KLHL32: variants seen among roughly 807,000 people sequenced by gnomAD.
KLHL32 encodes the protein kelch like family member 32, also known as kelch-like protein 32.
Under a neutral mutation model 64.8 loss-of-function variants are expected in KLHL32, and 35 were observed. The observed-to-expected ratio is 0.54, with a 90% confidence interval of 0.41 to 0.72. KLHL32 has a LOEUF of 0.72. Among genes scored for constraint, KLHL32 ranks in the 30% least tolerant of loss-of-function variants. The pLI is 0.00. For synonymous variants in KLHL32, 259 were observed against 281.0 expected (o/e 0.92, Z 0.78); for missense variants, 589 against 768.5 (o/e 0.77, Z 2.76).
chr6:96,980,127 C>T (rs917481725), intron 3 of KLHL32, among the ~76,000 whole-genome samples: 1 of 152,146 alleles, frequency 6.6e-6, no homozygotes, highest in Non-Finnish European at 1.5e-5. Flanking sequence ...AGTTTGATTC[C>T]TCTCCTCCTA....
intron 1 of KLHL32, among the ~76,000 whole-genome samples, chr6:96,947,303 CTCTGAACCTCCTCTGG>C (rs1415934925): frequency 4.4e-4 from 67 of 152,332 alleles, no homozygotes; most frequent in African/African-American, 1.6e-3. Context: ...CAGCTGAGTT[CTCTGAACCTCCTCTGG>C]TTCCAAGTGA....
At chr6:96,919,097 C>G in the KLHL32 span, among the ~76,000 whole-genome samples, 6 of 152,142 alleles carry the variant, frequency 3.9e-5, no homozygotes, top group Admixed American at 3.9e-4. Context: ...ATTAGATTCT[C>G]CTGGGAATTT....
rs113772278 is a variant in KLHL32 at position 97,129,606 on chromosome 6, G to A, written c.1414-1151G>A. ...TCATATAAAAAAGTCTTCCAGCAGG[G>A]TGCGGTGGTTCACACCTATAATCCC... On this transcript the variant is annotated intron_variant, in intron 8 of 10. Coordinates refer to ENST00000369261, the MANE Select transcript of KLHL32 (RefSeq NM_052904.4). Among the ~76,000 whole-genome samples, 55 of 152,276 alleles carry A rather than the reference G, an allele frequency of 3.6e-4. 2 individuals carry two copies. The highest frequency in any genetic ancestry group is 1.2e-3 in the African/African-American group (51 of 41,548).
chr6:97,004,791 TGGTG>T (rs1031660785), intron 3 of KLHL32, among the ~76,000 whole-genome samples: 1 of 152,166 alleles, frequency 6.6e-6, no homozygotes, highest in African/African-American at 2.4e-5. Context: ...GATTTGCATA[TGGTG>T]AACCAACCTT....
At chr6:97,052,868 A>G (rs1010542202) in intron 4 of KLHL32, among the ~76,000 whole-genome samples, 2 of 152,204 alleles carry the variant, frequency 1.3e-5, no homozygotes, top group Non-Finnish European at 2.9e-5. Flanking sequence ...TAAACTTCTG[A>G]TGGTATTATT....
In KLHL32 at chr6:97,092,213, T is replaced by A. The variant is rs537821063; in HGVS notation, c.627+6872T>A. Reference sequence around the variant, plus strand: ...ACCACGTTAGCCAGGATGGTCTCGATCTCCTGACCTCGTGATCCACCTGCC... The same window carrying A: ...ACCACGTTAGCCAGGATGGTCTCGAACTCCTGACCTCGTGATCCACCTGCC... On this transcript the variant is annotated intron_variant, in intron 6 of 10. Transcript: ENST00000369261. Among the ~76,000 whole-genome samples, 20 of 152,240 alleles carry A rather than the reference T, an allele frequency of 1.3e-4. No individual in the cohort carries two copies. In the South Asian group the frequency reaches 4.2e-3, roughly 32 times the overall value.
At chr6:97,095,700 CATTCA>C (rs1396898144) in intron 6 of KLHL32, among the ~76,000 whole-genome samples, 1 of 152,176 alleles carries the variant, frequency 6.6e-6, no homozygotes, top group Non-Finnish European at 1.5e-5. Flanking sequence ...GAGCATGTGT[CATTCA>C]TTGATAAAGC....
chr6:96,994,676 C>G (rs1224036279), intron 3 of KLHL32: 1 of 945,610 alleles, frequency 1.1e-6, no homozygotes, highest in Non-Finnish European at 1.3e-6. Context: ...GTGCAAAGTA[C>G]TATGAGTTCC....
intron 3 of KLHL32, among the ~76,000 whole-genome samples, chr6:97,035,153 T>G (rs1784101626): frequency 6.6e-6 from 1 of 152,092 alleles, no homozygotes; most frequent in Non-Finnish European, 1.5e-5. Flanking sequence ...TTTTTTTCTG[T>G]GTGGTTACCT....
At chr6:97,033,590 T>A (rs1386909280) in intron 3 of KLHL32, among the ~76,000 whole-genome samples, 2 of 152,118 alleles carry the variant, frequency 1.3e-5, no homozygotes, top group Non-Finnish European at 2.9e-5. Flanking sequence ...AAATTTTTTT[T>A]AGTACCCTCT....
At chr6:96,944,030 A>T (rs1771651776) in intron 1 of KLHL32, among the ~76,000 whole-genome samples, 1 of 152,186 alleles carries the variant, frequency 6.6e-6, no homozygotes, top group South Asian at 2.1e-4. Flanking sequence ...ACTGAAAGCT[A>T]GTTCACCACC....
chr6:96,929,929 T>C (rs1769641864), intron 1 of KLHL32, among the ~76,000 whole-genome samples: 1 of 152,244 alleles, frequency 6.6e-6, no homozygotes, highest in Non-Finnish European at 1.5e-5. Flanking sequence ...AAGATAATTT[T>C]TAAATGAAGA....
At chr6:97,108,509 G>A (rs753790912) in intron 6 of KLHL32, among the ~76,000 whole-genome samples, 1 of 152,182 alleles carries the variant, frequency 6.6e-6, no homozygotes, top group Non-Finnish European at 1.5e-5. Flanking sequence ...CAGCATGGCA[G>A]TGAATAATGT....
At chr6:97,006,550 G>A (rs1397013528) in intron 3 of KLHL32, among the ~76,000 whole-genome samples, 6 of 152,054 alleles carry the variant, frequency 3.9e-5, no homozygotes, top group East Asian at 1.9e-4. Context: ...TCCTGTCATC[G>A]TGTTGTTAGC....
At chr6:97,028,895 A>G (rs560396884) in intron 3 of KLHL32, among the ~76,000 whole-genome samples, 1 of 152,262 alleles carries the variant, frequency 6.6e-6, no homozygotes, top group Non-Finnish European at 1.5e-5. Context: ...ATGTATTGTG[A>G]TCCCACGTTC....
intron 5 of KLHL32, among the ~76,000 whole-genome samples, chr6:97,067,337 A>G (rs531382876): frequency 6.6e-6 from 1 of 152,210 alleles, no homozygotes; most frequent in Non-Finnish European, 1.5e-5. Flanking sequence ...CTCTGTGTCA[A>G]TGAGGACAGC....
At chr6:97,097,955 A>G (rs1463763391) in intron 6 of KLHL32, among the ~76,000 whole-genome samples, 1 of 152,254 alleles carries the variant, frequency 6.6e-6, no homozygotes, top group Non-Finnish European at 1.5e-5. Context: ...AACAGTTTGT[A>G]GAATTCCTGC....
chr6:97,103,609 G>C (rs1032654444), intron 6 of KLHL32, among the ~76,000 whole-genome samples: 4 of 152,094 alleles, frequency 2.6e-5, no homozygotes, highest in Non-Finnish European at 5.9e-5. Context: ...TACAAGAGAT[G>C]GTATTATTAT....
chr6:97,133,922 G>T (rs951344237), intron 10 of KLHL32, among the ~76,000 whole-genome samples: 5 of 151,974 alleles, frequency 3.3e-5, no homozygotes, highest in African/African-American at 4.8e-5. Flanking sequence ...TAGGGTTAGG[G>T]TTAAGAAAAC....
Sources: gnomAD v4.1 joint callset for allele counts (sites outside exome capture counted in the v4.1 genomes callset) on GRCh38, gnomAD v4.1.1 for gene constraint, MANE v1.5 for transcripts, NCBI Gene and HGNC (gene_info 2026-07-23, HGNC 2026-07-21) for gene names.